HS6ST3: variants seen among roughly 807,000 people sequenced by gnomAD.
HS6ST3 encodes the protein heparan-sulfate 6-O-sulfotransferase 3.
HS6ST3 carries 12 observed loss-of-function variants against 36.7 expected under a neutral mutation model. The observed-to-expected ratio is 0.33, with a 90% CI of 0.21 to 0.53. The LOEUF is 0.53. HS6ST3 is among the 20% of genes least tolerant of loss of function. The pLI is 0.95. For synonymous variants in HS6ST3, 240 were observed against 257.5 expected (o/e 0.93, Z 0.65); for missense variants, 584 against 640.9 (o/e 0.91, Z 0.96).
At chr13:96,536,250 C>A (rs2056154919) in intron 1 of HS6ST3, among the ~76,000 whole-genome samples, 1 of 152,178 alleles carries the variant, frequency 6.6e-6, no homozygotes, top group African/African-American at 2.4e-5. Context: ...CACTTAGAAG[C>A]TTTGGCAGAA....
chr13:96,581,660 G>A (rs1316860393), intron 1 of HS6ST3, among the ~76,000 whole-genome samples: 1 of 152,150 alleles, frequency 6.6e-6, no homozygotes, highest in Non-Finnish European at 1.5e-5. Context: ...ATGTATGCAT[G>A]TTAGCTTTCA....
At chr13:96,714,609 C>T (rs747013621) in intron 1 of HS6ST3, among the ~76,000 whole-genome samples, 4 of 152,188 alleles carry the variant, frequency 2.6e-5, no homozygotes, top group Admixed American at 2.6e-4. Flanking sequence ...TGAAGATGTG[C>T]ATTCCCTACT....
intron 1 of HS6ST3, among the ~76,000 whole-genome samples, chr13:96,208,863 T>A (rs1275778536): frequency 6.6e-6 from 1 of 152,236 alleles, no homozygotes; most frequent in Non-Finnish European, 1.5e-5. Flanking sequence ...ATACTTCAGA[T>A]AACAAGGCAG....
At chr13:96,758,101 T>G (rs1594853343) in intron 1 of HS6ST3, among the ~76,000 whole-genome samples, 1 of 152,128 alleles carries the variant, frequency 6.6e-6, no homozygotes, top group Non-Finnish European at 1.5e-5. Context: ...TATTATGAAT[T>G]TAATTCCTTT....
intron 1 of HS6ST3, among the ~76,000 whole-genome samples, chr13:96,770,944 C>G (rs892619285): frequency 3.3e-5 from 5 of 151,934 alleles, no homozygotes; most frequent in African/African-American, 1.2e-4. Context: ...AGCAGGAGGC[C>G]TCTTTTAAAA....
At chr13:96,245,369 T>C (rs904960697) in intron 1 of HS6ST3, among the ~76,000 whole-genome samples, 6 of 152,192 alleles carry the variant, frequency 3.9e-5, no homozygotes, top group Non-Finnish European at 5.9e-5. Flanking sequence ...TATCTTACCG[T>C]CTTCAATGGA....
intron 1 of HS6ST3, among the ~76,000 whole-genome samples, chr13:96,439,119 A>G (rs1164594): frequency 0.69 from 104,302 of 152,000 alleles, 37,601 homozygotes; most frequent in African/African-American, 0.92. Flanking sequence ...GCTAGAGATC[A>G]TCTATTAGAT....
At chr13:96,215,168 A>T (rs2054418492) in intron 1 of HS6ST3, among the ~76,000 whole-genome samples, 1 of 152,202 alleles carries the variant, frequency 6.6e-6, no homozygotes, top group South Asian at 2.1e-4. Context: ...GTGTTATAAC[A>T]GCAGCTTCAA....
intron 1 of HS6ST3, among the ~76,000 whole-genome samples, chr13:96,821,715 A>G (rs1386055660): frequency 6.6e-6 from 1 of 152,222 alleles, no homozygotes; most frequent in East Asian, 1.9e-4. Flanking sequence ...CTTGGGAAGG[A>G]ATGGAATCAG....
chr13:96,281,825 T>C (rs2054777417), intron 1 of HS6ST3, among the ~76,000 whole-genome samples: 1 of 152,192 alleles, frequency 6.6e-6, no homozygotes, highest in South Asian at 2.1e-4. Flanking sequence ...GTAACCGCAG[T>C]CTTCATATTT....
rs1453681478 is a variant in HS6ST3 at position 96,689,810 on chromosome 13, G to A, written c.708-142680G>A. On this transcript the variant is annotated intron_variant, in intron 1 of 1. Coordinates refer to ENST00000376705, the MANE Select transcript of HS6ST3 (RefSeq NM_153456.4). Reference sequence around the variant, plus strand: ...TTGTCAATGGATGTTTGTCAACTTCGGAGGATGTGGGCTGCAGGCACCTCT... The same window carrying A: ...TTGTCAATGGATGTTTGTCAACTTCAGAGGATGTGGGCTGCAGGCACCTCT... 1.6e-3 allele frequency among the ~76,000 whole-genome samples: 19 copies of A among 11,666 alleles called. No individual in the cohort carries two copies. The East Asian group carries it at 0.04, about 24-fold the overall frequency. 7.7% of individuals were successfully genotyped at this position (11,666 alleles called of 152,430 possible).
At position 96,317,274 on chromosome 13, in the gene HS6ST3, T is replaced by C. The variant is rs149842831; in HGVS notation, c.707+225705T>C. 6.6e-4 allele frequency among the ~76,000 whole-genome samples: 98 copies of C among 148,564 alleles called. 2 individuals carry two copies. The highest frequency in any genetic ancestry group is 2.3e-3 in the African/African-American group (95 of 40,630). On this transcript the variant is annotated intron_variant, in intron 1 of 1. Transcript: ENST00000376705. The stretch of plus-strand genomic sequence containing the variant: ...GGATTATAGTCTCCAGCTCCTTCCA[T>C]GTTGCAGCAAAGGACATGACTTCAT...
At chr13:96,482,224 G>A (rs2055893230) in intron 1 of HS6ST3, among the ~76,000 whole-genome samples, 1 of 152,058 alleles carries the variant, frequency 6.6e-6, no homozygotes, top group African/African-American at 2.4e-5. Flanking sequence ...AGTTACCTAT[G>A]ACACTGATCT....
chr13:96,463,564 TAATAC>T (rs2055796044), intron 1 of HS6ST3, among the ~76,000 whole-genome samples: 1 of 152,044 alleles, frequency 6.6e-6, no homozygotes, highest in Non-Finnish European at 1.5e-5. Context: ...AAGACACAAA[TAATAC>T]AAGACACAAA....
At chr13:96,394,342 G>A (rs1009949949) in intron 1 of HS6ST3, among the ~76,000 whole-genome samples, 5 of 151,410 alleles carry the variant, frequency 3.3e-5, no homozygotes, top group Non-Finnish European at 7.4e-5. Flanking sequence ...GTAATCAAGT[G>A]TTTAGCAGTG....
intron 1 of HS6ST3, among the ~76,000 whole-genome samples, chr13:96,316,024 ATT>A (rs2054967203): frequency 6.6e-6 from 1 of 152,132 alleles, no homozygotes; most frequent in African/African-American, 2.4e-5. Flanking sequence ...AATAATCATT[ATT>A]GTGTTGATAT....
chr13:96,416,403 A>C (rs1412194228), intron 1 of HS6ST3, among the ~76,000 whole-genome samples: 1 of 152,212 alleles, frequency 6.6e-6, no homozygotes, highest in Non-Finnish European at 1.5e-5. Context: ...TCATACCTGG[A>C]ATGGTATAAA....
intron 1 of HS6ST3, among the ~76,000 whole-genome samples, chr13:96,448,039 C>G (rs1280865823): frequency 6.6e-6 from 1 of 152,154 alleles, no homozygotes; most frequent in Non-Finnish European, 1.5e-5. Flanking sequence ...AATCATAGAG[C>G]CAACTTTTAT....
intron 1 of HS6ST3, among the ~76,000 whole-genome samples, chr13:96,112,578 A>AATAAAT (rs1366560422): frequency 3.1e-4 from 25 of 81,232 alleles, no homozygotes; most frequent in African/African-American, 5.4e-4. Context: ...AAAATAAATA[A>AATAAAT]ATATATATAT....
Sources: gnomAD v4.1 joint callset for allele counts (sites outside exome capture counted in the v4.1 genomes callset) on GRCh38, gnomAD v4.1.1 for gene constraint, MANE v1.5 for transcripts, NCBI Gene and HGNC (gene_info 2026-07-23, HGNC 2026-07-21) for gene names.